MAVS: variants seen among roughly 807,000 people sequenced by gnomAD.
The protein encoded by MAVS is mitochondrial antiviral-signaling protein.
A neutral mutation model predicts 30.2 loss-of-function variants in MAVS; 20 were observed. The observed-to-expected ratio is 0.66, with a 90% CI of 0.47 to 0.96. The LOEUF (loss-of-function observed/expected upper bound fraction) is 0.96. MAVS is among the 40% of genes least tolerant of loss of function. The pLI is 0.00. For missense variants in MAVS, 624 were observed against 701.1 expected, an observed-to-expected ratio of 0.89 and a Z score of 1.24; for synonymous variants, 278 against 293.9, an observed-to-expected ratio of 0.95 and a Z score of 0.55.
In MAVS at chr20:3,876,095, A is replaced by T. The variant is rs996264308; in HGVS notation, c.*9948A>T. Reference sequence around the variant, plus strand: ...AGCCCGTGGACACTTCTGTACAATAAATCTGCTATTATTACTTCTAGAACT... The same window carrying T: ...AGCCCGTGGACACTTCTGTACAATATATCTGCTATTATTACTTCTAGAACT... On this transcript the variant is annotated 3_prime_UTR_variant, in exon 7 of 7. Transcript: ENST00000428216. 6.6e-6 allele frequency: 1 copy of T among 152,268 alleles called. No homozygotes were observed. The allele number at this position is 152,268 out of a possible 1,614,324, so 9.4% of individuals were successfully genotyped here.
intron 4 of MAVS, 44 bp downstream of exon 4, chr20:3,861,548 T>C (rs372748705): frequency 6.3e-7 from 1 of 1,590,784 alleles, no homozygotes; most frequent in African/African-American, 1.3e-5. Flanking sequence ...TTTGTGTTCC[T>C]ATCTGCCCAC....
rs2089897621 is a variant in MAVS, at chr20:3,865,268, C to G, written c.1159-415C>G. On this transcript the variant is annotated intron_variant, in intron 6 of 6. Coordinates refer to ENST00000428216, the MANE Select transcript of MAVS (RefSeq NM_020746.5). The surrounding 1 kb of genome is among the most constrained non-coding windows in gnomAD (Gnocchi z 4.7). Reference sequence around the variant, plus strand: ...CAGCAGCCCCCCATTGTTGCCTGCTCCAAGCCTCACATCTAACCCTAGCTG... The same window carrying G: ...CAGCAGCCCCCCATTGTTGCCTGCTGCAAGCCTCACATCTAACCCTAGCTG... 6.6e-6 allele frequency among the ~76,000 whole-genome samples: 1 copy of G among 152,208 alleles called. No homozygotes were observed. Among genetic ancestry groups the G allele is most frequent in the Non-Finnish European group, 1.5e-5 (1 of 68,036 alleles).
Position 3,867,090 on chromosome 20 carries a change from C to A in MAVS, c.*943C>A, listed in dbSNP as rs111831892. ...CAAGTGGCCACTGCTTCTCCCATCT[C>A]TCTCCTGCCCAACCTGGTAGAGCTG... On this transcript the variant is annotated 3_prime_UTR_variant, in exon 7 of 7. Coordinates refer to ENST00000428216, the MANE Select transcript of MAVS (RefSeq NM_020746.5). 3.9e-4 allele frequency: 178 copies of A among 456,612 alleles called. 4 individuals are homozygous for A. The highest frequency in any genetic ancestry group is 3.0e-3 in the African/African-American group (152 of 50,210). The allele number at this position is 456,612 out of a possible 1,614,324, so 28.3% of individuals were successfully genotyped here.
chr20:3,866,019 C>T lies in MAVS; in HGVS notation c.1495C>T (p.Arg499Trp), dbSNP rs199788290. 204 of 1,612,764 alleles carry T rather than the reference C, an allele frequency of 1.3e-4. 1 individual carries two copies. Among genetic ancestry groups the T allele is most frequent in the East Asian group, 1.1e-4 (5 of 44,884 alleles). Residue 499 changes from arginine (R) to tryptophan (W), a missense_variant, in exon 7 of 7, where the codon CGG (arginine) becomes TGG (tryptophan). Transcript: ENST00000428216. ...PDGGPRPQADRKFQEREVPCH... is the reference protein window; with the variant it reads ...PDGGPRPQADWKFQEREVPCH... ...TGGCGGCCCCAGGCCACAAGCCGACCGGAAGTTCCAGGAGAGGGAGGTGCC... is the reference window on the plus strand; with the variant it reads ...TGGCGGCCCCAGGCCACAAGCCGACTGGAAGTTCCAGGAGAGGGAGGTGCC...
chr20:3,852,212 T>C (rs956853831), intron 1 of MAVS, among the ~76,000 whole-genome samples: 2 of 151,956 alleles, frequency 1.3e-5, no homozygotes, highest in Non-Finnish European at 2.9e-5. Flanking sequence ...GCCAGGATGG[T>C]CTTGATCTCC....
At chr20:3,849,207 C>CTT (rs796874133) in intron 1 of MAVS, among the ~76,000 whole-genome samples, 9 of 141,044 alleles carry the variant, frequency 6.4e-5, no homozygotes, top group African/African-American at 1.0e-4. Flanking sequence ...AGCTTGCTTG[C>CTT]TTTTTTTTTT....
chr20:3,866,003 C>T lies in MAVS; in HGVS notation c.1479C>T (p.Pro493=). 6.2e-7 allele frequency: 1 copy of T among 1,612,906 alleles called. No individual in the cohort carries two copies. The highest frequency in any genetic ancestry group is 1.1e-5 in the South Asian group (1 of 91,080). The part of the protein sequence containing the change: ...PGPPADPDGG[P]RPQADRKFQE... Reference sequence around the variant, plus strand: ...CACCTGCGGACCCGGATGGCGGCCCCAGGCCACAAGCCGACCGGAAGTTCC... The same window carrying T: ...CACCTGCGGACCCGGATGGCGGCCCTAGGCCACAAGCCGACCGGAAGTTCC... Residue 493 remains proline (P), a synonymous_variant, in exon 7 of 7, where the codon CCC becomes CCT. Transcript: ENST00000428216.
At chr20:3,864,212 TG>T (rs766647132) in intron 5 of MAVS, 43 bp from the exon 6 acceptor site, 1 of 1,560,232 alleles carries the variant, frequency 6.4e-7, no homozygotes, top group South Asian at 1.2e-5. Context: ...CTCAAGGTAA[TG>T]GTCTTTGGGT....
In MAVS at chr20:3,867,440, T is replaced by C. The variant is rs2089917807; in HGVS notation, c.*1293T>C. ...CAGGGACCCCATCTCTACAAAAAAG[T>C]TTAAAAAATTAGCCAGGCGTGGTGG... On this transcript the variant is annotated 3_prime_UTR_variant, in exon 7 of 7. Transcript: ENST00000428216. 5.5e-6 allele frequency: 1 copy of C among 183,064 alleles called. No individual in the cohort carries two copies. The highest frequency in any genetic ancestry group is 1.0e-4 in the South Asian group (1 of 9,784). The allele number at this position is 183,064 out of a possible 1,614,324, so 11.3% of individuals were successfully genotyped here. A position where few individuals can be genotyped will look rare whatever the true frequency, so the allele number is the denominator to read the frequency against.
Position 3,875,647 on chromosome 20 carries a change from C to T in MAVS, c.*9500C>T, listed in dbSNP as rs1274180637. The T allele has an allele frequency of 2.0e-5, 3 of 152,318 alleles. No individual in the cohort carries two copies. The highest frequency in any genetic ancestry group is 7.2e-5 in the African/African-American group (3 of 41,440). 9.4% of individuals were successfully genotyped at this position (152,318 alleles called of 1,614,324 possible). A position where few individuals can be genotyped will look rare whatever the true frequency, so the allele number is the denominator to read the frequency against. ...GAAGCCCTGGGTTCTTGTCCTGCAT[C>T]CGCAGCCAGCTCCCACTTTCCTCAC... On this transcript the variant is annotated 3_prime_UTR_variant, in exon 7 of 7. Transcript: ENST00000428216.
At chr20:3,858,799 T>TC (rs200109486) in intron 3 of MAVS, among the ~76,000 whole-genome samples, 2,876 of 138,168 alleles carry the variant, frequency 0.021, 101 homozygotes, top group African/African-American at 0.08. Flanking sequence ...TTTCTCTCTC[T>TC]TTTTTTTTTT....
Position 3,862,117 on chromosome 20 carries a change from C to A in MAVS, c.466-137C>A, listed in dbSNP as rs2089871348. 5 of 962,442 alleles carry A rather than the reference C, an allele frequency of 5.2e-6. No individual in the cohort carries two copies. In the South Asian group the frequency reaches 8.9e-5, roughly 17 times the overall value. 59.6% of individuals were successfully genotyped at this position (962,442 alleles called of 1,614,324 possible). On this transcript the variant is annotated intron_variant, in intron 4 of 6. Transcript: ENST00000428216. ...ACAGAGGGTCTGGGAATTACCAGAACCCAGGCAAGGGCTCCCCTGGCTCCT... is the reference window on the plus strand; with the variant it reads ...ACAGAGGGTCTGGGAATTACCAGAAACCAGGCAAGGGCTCCCCTGGCTCCT...
At chr20:3,853,964 T>G (rs1305565155) in intron 1 of MAVS, among the ~76,000 whole-genome samples, 1 of 150,692 alleles carries the variant, frequency 6.6e-6, no homozygotes, top group African/African-American at 2.4e-5. Flanking sequence ...TTTTTTTTTT[T>G]TTTTTGTATT....
rs549787765 is a variant in MAVS, at chr20:3,868,126, A to G, written c.*1979A>G. The G allele has an allele frequency of 9.8e-5, 15 of 152,512 alleles. No individual in the cohort carries two copies. The highest frequency in any genetic ancestry group is 3.4e-4 in the African/African-American group (14 of 41,524). The allele number at this position is 152,512 out of a possible 1,614,324, so 9.4% of individuals were successfully genotyped here. A position where few individuals can be genotyped will look rare whatever the true frequency, so the allele number is the denominator to read the frequency against. ...GAACATCTCTTCATCCCATGCTCCA[A>G]GTCCAGCAACCTGCACCCTGGAACC... is the stretch of plus-strand genomic sequence containing the variant. On this transcript the variant is annotated 3_prime_UTR_variant, in exon 7 of 7. Coordinates refer to ENST00000428216, the MANE Select transcript of MAVS (RefSeq NM_020746.5).
chr20:3,865,760 G>C lies in MAVS; in HGVS notation c.1236G>C (p.Arg412Ser). Reference protein sequence around the residue: ...SAWLDSSSENRGLGSELSKPG... With the variant: ...SAWLDSSSENSGLGSELSKPG... ...GGCTAGACAGCAGCTCTGAGAATAGGGGCCTTGGGTCGGAGCTGAGTAAGC... is the reference window on the plus strand; with the variant it reads ...GGCTAGACAGCAGCTCTGAGAATAGCGGCCTTGGGTCGGAGCTGAGTAAGC... The change falls in exon 7 of 7, where the codon AGG becomes AGC. Residue 412 changes from arginine to serine, a missense_variant. Physicochemically the swap from Arg to Ser is moderately radical, Grantham distance 110 (BLOSUM62 -1). Transcript: ENST00000428216. This position sits in a 1 kb window ranked among gnomAD's most constrained non-coding sequence, Gnocchi z 4.7. 6.2e-7 allele frequency: 1 copy of C among 1,613,676 alleles called. No individual in the cohort carries two copies. The highest frequency in any genetic ancestry group is 1.7e-4 in the Middle Eastern group (1 of 6,042).
At chr20:3,847,296 T>G (rs1451196463) in intron 1 of MAVS, among the ~76,000 whole-genome samples, 1 of 151,612 alleles carries the variant, frequency 6.6e-6, no homozygotes, top group African/African-American at 2.4e-5. Flanking sequence ...GCTGCCGCCC[T>G]CCGCTGGGTC....
At position 3,866,021 on chromosome 20, in the gene MAVS, G is replaced by A. The variant is rs534161992; in HGVS notation, c.1497G>A (p.Arg499=). Residue 499 remains arginine, a synonymous_variant, in exon 7 of 7, where the codon CGG becomes CGA. Coordinates refer to ENST00000428216, the MANE Select transcript of MAVS (RefSeq NM_020746.5). ...PDGGPRPQAD[R]KFQEREVPCH... is the part of the protein sequence containing the mutation. ...GCGGCCCCAGGCCACAAGCCGACCG[G>A]AAGTTCCAGGAGAGGGAGGTGCCAT... is the stretch of plus-strand genomic sequence containing the variant. 6.2e-7 allele frequency: 1 copy of A among 1,612,852 alleles called. No homozygotes were observed. The highest frequency in any genetic ancestry group is 2.2e-5 in the East Asian group (1 of 44,872).
Position 3,854,570 on chromosome 20 carries a change from T to C in MAVS, c.-55T>C. On this transcript the variant is annotated 5_prime_UTR_variant, in exon 2 of 7. Transcript: ENST00000428216. ...TGTTTTCTTCCAGTCTCGTTTCCTC[T>C]CAGTCCATCCACCCTTCATGGGGCC... 7.9e-7 allele frequency: 1 copy of C among 1,273,658 alleles called. No individual in the cohort carries two copies. The highest frequency in any genetic ancestry group is 1.1e-6 in the Non-Finnish European group (1 of 885,242). The allele number at this position is 1,273,658 out of a possible 1,614,324, so 78.9% of individuals were successfully genotyped here. A position where few individuals can be genotyped will look rare whatever the true frequency, so the allele number is the denominator to read the frequency against.
chr20:3,871,940 A>C lies in MAVS; in HGVS notation c.*5793A>C, dbSNP rs562969738. The stretch of plus-strand genomic sequence containing the variant: ...CCAGGCATTAAGCTAAGTGCTTTAC[A>C]TATATTAAGTCATTTAATCCTCATA... On this transcript the variant is annotated 3_prime_UTR_variant, in exon 7 of 7. Transcript: ENST00000428216. 1 of 152,350 alleles carries C rather than the reference A, an allele frequency of 6.6e-6. No individual in the cohort carries two copies. The highest frequency in any genetic ancestry group is 6.5e-5 in the Admixed American group (1 of 15,278). The allele number at this position is 152,350 out of a possible 1,614,324, so 9.4% of individuals were successfully genotyped here.
Sources: allele counts gnomAD v4.1 joint callset (sites outside exome capture counted in the v4.1 genomes callset), GRCh38; gene constraint gnomAD v4.1.1; non-coding constraint Gnocchi (gnomAD v3.1); transcripts MANE v1.5; gene names NCBI Gene and HGNC (gene_info 2026-07-23, HGNC 2026-07-21).